CPNE8: variants seen among roughly 807,000 people sequenced by gnomAD.
CPNE8 encodes the protein copine-8.
Under a neutral mutation model 81.5 loss-of-function variants are expected in CPNE8, and 45 were observed. That is an observed-to-expected ratio of 0.55 (90% confidence interval 0.44 to 0.71). The LOEUF (loss-of-function observed/expected upper bound fraction) is 0.71, where lower values mean the gene tolerates loss of function less well. CPNE8 is among the 30% of genes least tolerant of loss of function. The pLI is 0.00. For missense variants in CPNE8, 594 were observed against 672.1 expected (o/e 0.88, Z 1.28); for synonymous variants, 252 against 226.3 (o/e 1.11, Z -1.02).
intron 6 of CPNE8, among the ~76,000 whole-genome samples, chr12:38,805,698 G>C (rs531577031): frequency 8.9e-6 from 1 of 111,742 alleles, no homozygotes; most frequent in African/African-American, 3.3e-5. Context: ...AAAAGAACTA[G>C]AAAAGCAAGA....
rs756471467 is a variant in CPNE8, at chr12:38,654,012, C to A, written c.1565G>T (p.Arg522Ile). ...CTCAGCTAGGACATCTTTAGCCAAT[C>A]TAGCCATGCTCAGTATGTGGTTTCC... ...RSGNHILSMA[R>I]LAKDVLAEIP... The change falls in exon 20 of 20, where the codon AGA becomes ATA. Residue 522 changes from arginine (R) to isoleucine (I), a missense_variant. Arg to Ile is a moderately conservative substitution (Grantham distance 97). Transcript: ENST00000331366. The A allele has an allele frequency of 1.5e-5, 25 of 1,613,488 alleles. No individual in the cohort carries two copies. The highest frequency in any genetic ancestry group is 1.9e-5 in the Non-Finnish European group (23 of 1,179,896).
chr12:38,677,725 T>C (rs1444210638), intron 16 of CPNE8, among the ~76,000 whole-genome samples, 171 bp from the exon 17 acceptor site: 1 of 151,796 alleles, frequency 6.6e-6, no homozygotes, highest in Admixed American at 6.6e-5. Context: ...AATAACACAC[T>C]AGAACAATTG....
intron 6 of CPNE8, among the ~76,000 whole-genome samples, chr12:38,783,212 T>G (rs1942094107): frequency 1.3e-5 from 2 of 152,234 alleles, no homozygotes; most frequent in Middle Eastern, 3.4e-3. Flanking sequence ...AGCAAGATGA[T>G]GAAATAGAGG....
chr12:38,704,116 G>T (rs893850764), intron 13 of CPNE8, among the ~76,000 whole-genome samples: 3 of 152,154 alleles, frequency 2.0e-5, no homozygotes, highest in African/African-American at 4.8e-5. Context: ...GATGGAAGAA[G>T]GGTGGCTTGA....
chr12:38,768,510 G>T (rs1941736331), intron 7 of CPNE8, among the ~76,000 whole-genome samples: 1 of 151,956 alleles, frequency 6.6e-6, no homozygotes, highest in Admixed American at 6.6e-5. Context: ...TTGTGTGTAT[G>T]TGTGTTGTTT....
chr12:38,679,684 G>T, intron 16 of CPNE8: 1 of 984,896 alleles, frequency 1.0e-6, no homozygotes, highest in Non-Finnish European at 1.2e-6. Flanking sequence ...TGTTCTACAC[G>T]TTGGCACATT....
At chr12:38,849,870 A>G (rs751886242) in intron 3 of CPNE8, among the ~76,000 whole-genome samples, 1 of 152,182 alleles carries the variant, frequency 6.6e-6, no homozygotes, top group Admixed American at 6.5e-5. Flanking sequence ...CATTACTTTC[A>G]ATATTTACTA....
chr12:38,900,626 A>G (rs533250821), intron 1 of CPNE8, among the ~76,000 whole-genome samples: 1 of 152,220 alleles, frequency 6.6e-6, no homozygotes, highest in Non-Finnish European at 1.5e-5. Context: ...AGGGCAGGGC[A>G]AAGAGCAGCA....
intron 19 of CPNE8, among the ~76,000 whole-genome samples, chr12:38,658,129 C>G (rs1200258491): frequency 6.6e-6 from 1 of 152,078 alleles, no homozygotes; most frequent in East Asian, 1.9e-4. Context: ...TCTAACCCAT[C>G]ACAAGGAAGC....
chr12:38,786,503 C>T (rs1942190544), intron 6 of CPNE8, among the ~76,000 whole-genome samples: 1 of 152,154 alleles, frequency 6.6e-6, no homozygotes, highest in South Asian at 2.1e-4. Context: ...CATCAGACTC[C>T]AAGTTCTTCA....
chr12:38,788,845 C>T (rs1268897265), intron 6 of CPNE8, among the ~76,000 whole-genome samples: 1 of 151,468 alleles, frequency 6.6e-6, no homozygotes, highest in Non-Finnish European at 1.5e-5. Context: ...AAAGAAGTAA[C>T]CCTATTTACA....
At chr12:38,806,819 G>C (rs1039987715) in intron 6 of CPNE8, among the ~76,000 whole-genome samples, 2 of 149,572 alleles carry the variant, frequency 1.3e-5, no homozygotes, top group Non-Finnish European at 3.0e-5. Flanking sequence ...AATTGTCCCT[G>C]TTTGCAGATG....
At chr12:38,677,390 C>T (rs1284488744) in intron 17 of CPNE8, 62 bp downstream of exon 17, 1 of 873,978 alleles carries the variant, frequency 1.1e-6, no homozygotes, top group Non-Finnish European at 2.0e-6. Flanking sequence ...AGACTCTAGT[C>T]TCTCTCTAAG....
intron 4 of CPNE8, among the ~76,000 whole-genome samples, chr12:38,842,491 A>C (rs181035478): frequency 6.6e-6 from 1 of 151,928 alleles, no homozygotes; most frequent in African/African-American, 2.4e-5. Flanking sequence ...CCATTATCTC[A>C]TAGGTAATTT....
intron 8 of CPNE8, among the ~76,000 whole-genome samples, chr12:38,763,109 G>A (rs1158858359): frequency 6.6e-6 from 1 of 152,088 alleles, no homozygotes; most frequent in Non-Finnish European, 1.5e-5. Flanking sequence ...CACCTGCCCC[G>A]CCCTCTCAAA....
chr12:38,723,703 G>A (rs371911162), intron 13 of CPNE8, 69 bp downstream of exon 13: 11 of 897,558 alleles, frequency 1.2e-5, no homozygotes, highest in African/African-American at 3.3e-5. Context: ...CAGGTACCTC[G>A]TGGTAGCGCT....
At chr12:38,747,990 C>A (rs1433893290) in intron 10 of CPNE8, among the ~76,000 whole-genome samples, 1 of 151,892 alleles carries the variant, frequency 6.6e-6, no homozygotes, top group African/African-American at 2.4e-5. Context: ...TCCTAGAAAG[C>A]AATACTATTG....
At chr12:38,766,952 A>G (rs1161338252) in intron 8 of CPNE8, among the ~76,000 whole-genome samples, 2 of 152,126 alleles carry the variant, frequency 1.3e-5, no homozygotes, top group African/African-American at 2.4e-5. Flanking sequence ...TCTCACATAC[A>G]TTAAAAACTT....
chr12:38,655,444 T>C (rs1156839465), intron 19 of CPNE8, among the ~76,000 whole-genome samples: 1 of 152,136 alleles, frequency 6.6e-6, no homozygotes, highest in Non-Finnish European at 1.5e-5. Flanking sequence ...TAATTTTTGG[T>C]CTTCAGAGAA....
Sources: allele counts gnomAD v4.1 joint callset (sites outside exome capture counted in the v4.1 genomes callset), GRCh38; gene constraint gnomAD v4.1.1; transcripts MANE v1.5; gene names NCBI Gene and HGNC (gene_info 2026-07-23, HGNC 2026-07-21).